The following YES1 variants were observed in gnomAD, a reference collection of about 807,000 sequenced individuals.
YES1 encodes YES proto-oncogene 1, Src family tyrosine kinase.
A neutral mutation model predicts 70.4 loss-of-function variants in YES1; 39 were observed. The observed-to-expected ratio is 0.55, with a 90% CI of 0.43 to 0.72. The LOEUF is 0.72. YES1 is among the 30% of genes least tolerant of loss of function. The pLI is 0.00. For synonymous variants in YES1, 198 were observed against 218.6 expected (o/e 0.91, Z 0.83); for missense variants, 495 against 644.8 (o/e 0.77, Z 2.52).
intron 1 of YES1, among the ~76,000 whole-genome samples, chr18:807,761 A>G (rs920198611): frequency 3.3e-5 from 5 of 152,236 alleles, no homozygotes; most frequent in African/African-American, 1.2e-4. Context: ...TATGCAATGT[A>G]TAGCTAATTC....
chr18:779,214 C>A (rs931190899), intron 1 of YES1, among the ~76,000 whole-genome samples: 1 of 151,712 alleles, frequency 6.6e-6, no homozygotes, highest in African/African-American at 2.4e-5. Flanking sequence ...CCAGCCTGGG[C>A]AACAAAAGGA....
intron 9 of YES1, chr18:739,182 T>C: frequency 6.6e-6 from 1 of 152,258 alleles, no homozygotes; most frequent in East Asian, 1.9e-4. Flanking sequence ...GACTAAGAGT[T>C]AGATAGCTGG....
In YES1 at chr18:745,876, CT is replaced by C; in HGVS notation, c.575-20del. The C allele has an allele frequency of 6.2e-7, 1 of 1,609,078 alleles. No homozygotes were observed. The stretch of plus-strand genomic sequence containing the variant: ...TAAGCACCTGGGTGAAAAATAAATA[CT>C]TTCACTATATCTTTCTCAAAATACT... On this transcript the variant is annotated intron_variant, in intron 5 of 11. Coordinates refer to ENST00000314574, the MANE Select transcript of YES1 (RefSeq NM_005433.4).
intron 4 of YES1, among the ~76,000 whole-genome samples, chr18:747,543 C>G (rs2080294908): frequency 6.6e-6 from 1 of 152,158 alleles, no homozygotes; most frequent in Non-Finnish European, 1.5e-5. Flanking sequence ...CCATCCCTAT[C>G]AACACACCCT....
intron 4 of YES1, among the ~76,000 whole-genome samples, chr18:746,317 G>A (rs892761262): frequency 6.6e-6 from 1 of 152,170 alleles, no homozygotes; most frequent in South Asian, 2.1e-4. Context: ...AGGAACAGTA[G>A]AGAGGGAAAG....
chr18:762,002 T>C (rs1008342314), intron 1 of YES1, among the ~76,000 whole-genome samples: 1 of 152,008 alleles, frequency 6.6e-6, no homozygotes, highest in African/African-American at 2.4e-5. Flanking sequence ...GCCTGACCAA[T>C]GTGGAGAAAC....
chr18:729,730 G>A (rs570718367), intron 11 of YES1, among the ~76,000 whole-genome samples: 69 of 145,938 alleles, frequency 4.7e-4, no homozygotes, highest in African/African-American at 1.4e-3. Flanking sequence ...GGGTTCAAGC[G>A]ATTCTCCTGC....
intron 4 of YES1, among the ~76,000 whole-genome samples, chr18:747,671 A>C (rs1365640818): frequency 6.6e-6 from 1 of 152,152 alleles, no homozygotes; most frequent in Admixed American, 6.5e-5. Flanking sequence ...ATACATATTT[A>C]AGTGAAAACA....
intron 4 of YES1, among the ~76,000 whole-genome samples, chr18:746,911 C>T (rs907614479): frequency 6.6e-6 from 1 of 152,120 alleles, no homozygotes; most frequent in Non-Finnish European, 1.5e-5. Context: ...TATGTGTGTG[C>T]ATGTATATAT....
intron 2 of YES1, 30 bp downstream of exon 2, chr18:756,526 CA>C (rs768990425): frequency 1.9e-6 from 3 of 1,611,060 alleles, no homozygotes; most frequent in South Asian, 2.2e-5. Context: ...TGTTCTCAAA[CA>C]GACAACATAA....
intron 9 of YES1, chr18:737,255 T>A (rs981605887): frequency 1.4e-4 from 33 of 231,742 alleles, no homozygotes; most frequent in African/African-American, 6.6e-4. Flanking sequence ...GAGTTCGAGA[T>A]CAGCCTGGCC....
intron 1 of YES1, among the ~76,000 whole-genome samples, chr18:798,833 A>C (rs1009655596): frequency 9.8e-5 from 15 of 152,298 alleles, no homozygotes; most frequent in African/African-American, 3.6e-4. Context: ...AGTCTAGTGC[A>C]CACATCTTAA....
intron 11 of YES1, among the ~76,000 whole-genome samples, chr18:727,511 T>A (rs1432695326): frequency 6.6e-6 from 1 of 152,146 alleles, no homozygotes; most frequent in South Asian, 2.1e-4. Context: ...CATCTGTTCG[T>A]TTCTCCTCTC....
At position 756,572 on chromosome 18, in the gene YES1, G is replaced by T; in HGVS notation, c.256C>A (p.Pro86Thr). Residue 86 changes from proline (P) to threonine (T), a missense_variant, in exon 2 of 12, where the codon CCT becomes ACT. By Grantham distance (38) the Pro-to-Thr change is conservative (BLOSUM62 -1). This residue lies in a region of YES1 where 110 missense variants were observed against 104.0 expected (regional missense o/e 1.06). Coordinates refer to ENST00000314574, the MANE Select transcript of YES1 (RefSeq NM_005433.4). ...SSFSVVPSSY[P>T]AGLTGGVTIF... ...TAAATCTCACCTGTTAAACCAGCAG[G>T]ATATGAACTTGGCACCACTGAAAAT... 3 of 1,614,112 alleles carry T rather than the reference G, an allele frequency of 1.9e-6. No individual in the cohort carries two copies. Among genetic ancestry groups the T allele is most frequent in the Non-Finnish European group, 2.5e-6 (3 of 1,180,030 alleles).
At chr18:784,371 T>TAAA (rs1287199021) in intron 1 of YES1, among the ~76,000 whole-genome samples, 1 of 152,230 alleles carries the variant, frequency 6.6e-6, no homozygotes, top group Non-Finnish European at 1.5e-5. Flanking sequence ...CTGGAGACGT[T>TAAA]AAATAGGTTT....
chr18:759,667 AT>A (rs1172857054), intron 1 of YES1, among the ~76,000 whole-genome samples: 2 of 151,864 alleles, frequency 1.3e-5, no homozygotes, highest in Non-Finnish European at 2.9e-5. Context: ...TTTACACTGT[AT>A]TAGGTATTAT....
intron 1 of YES1, among the ~76,000 whole-genome samples, chr18:809,061 G>A (rs940521415): frequency 1.7e-4 from 26 of 151,958 alleles, no homozygotes; most frequent in African/African-American, 6.0e-4. Context: ...TAATTGTCAT[G>A]TTATGTAATT....
At chr18:739,013 C>G (rs2054709874) in intron 9 of YES1, 1 of 152,128 alleles carries the variant, frequency 6.6e-6, no homozygotes, top group South Asian at 2.1e-4. Flanking sequence ...TTAGTAGAGA[C>G]AGAGTTTCAC....
intron 1 of YES1, among the ~76,000 whole-genome samples, chr18:797,631 A>G (rs1214470682): frequency 2.0e-5 from 3 of 152,236 alleles, no homozygotes; most frequent in African/African-American, 7.2e-5. Context: ...CTTCTAAACA[A>G]CTGTTAAAAA....
Sources: allele counts gnomAD v4.1 joint callset (sites outside exome capture counted in the v4.1 genomes callset), GRCh38; gene constraint gnomAD v4.1.1; regional missense constraint gnomAD v4.1.1; transcripts MANE v1.5; gene names NCBI Gene and HGNC (gene_info 2026-07-23, HGNC 2026-07-21).